The following NHLH2 variants were observed in gnomAD, a reference collection of about 807,000 sequenced individuals.
The protein encoded by NHLH2 is nescient helix-loop-helix 2.
NHLH2 carries 7 observed loss-of-function variants against 7.3 expected under a neutral mutation model. The observed-to-expected ratio is 0.96, with a 90% CI of 0.55 to 1.81. NHLH2 has a LOEUF of 1.81. NHLH2 is among the 40% of genes most tolerant of loss of function. The probability of loss-of-function intolerance (pLI) is 0.00; values close to 1 mark genes in which losing one functional copy is unlikely to be tolerated. For missense variants in NHLH2, 155 were observed against 194.0 expected, an observed-to-expected ratio of 0.80 and a Z score of 1.19; for synonymous variants, 93 against 91.6, an observed-to-expected ratio of 1.01 and a Z score of -0.09.
chr1:115,840,808 A>G (rs1473423628), intron 1 of NHLH2, 140 bp downstream of exon 1: 3 of 164,926 alleles, frequency 1.8e-5, no homozygotes, highest in African/African-American at 7.3e-5. Flanking sequence ...CAGGAACACA[A>G]TACTGTAACT....
Position 115,838,234 on chromosome 1 carries a change from C to T in NHLH2, c.139G>A (p.Asp47Asn). 6.4e-7 allele frequency: 1 copy of T among 1,560,830 alleles called. No individual in the cohort carries two copies. The highest frequency in any genetic ancestry group is 1.4e-5 in the African/African-American group (1 of 73,354). The change falls in exon 3 of 3, where the codon GAC becomes AAC. Residue 47 changes from aspartate to asparagine, a missense_variant. By Grantham distance (23) the Asp-to-Asn change is conservative (BLOSUM62 1). Around this residue, in one of 2 missense-constraint regions of NHLH2, gnomAD observed 91 missense variants for 86.6 expected, o/e 1.05. Coordinates refer to ENST00000320238, the MANE Select transcript of NHLH2 (RefSeq NM_005599.3). ...GCGGCTCGGCTGCCGCCCTTGCCGT[C>T]GCCCTCGGCCTCCTCCACCGGCTCC... ...DLEPVEEAEG[D>N]GKGGSRAALY... is the part of the protein sequence containing the mutation.
chr1:115,832,918 C>T (rs918863515), downstream of NHLH2, among the ~76,000 whole-genome samples: 2 of 151,914 alleles, frequency 1.3e-5, no homozygotes, highest in Non-Finnish European at 2.9e-5. Context: ...AGGCCCAGGT[C>T]GTAAAAGAAA....
Position 115,838,460 on chromosome 1 carries a change from C to T in NHLH2, c.-8-80G>A, listed in dbSNP as rs564376544. ...AGGATGGCTGCCGAGGCCTACCACGCCGGTCCTCCCAGCGGACGCGCGGCC... is the reference window on the plus strand; with the variant it reads ...AGGATGGCTGCCGAGGCCTACCACGTCGGTCCTCCCAGCGGACGCGCGGCC... On this transcript the variant is annotated intron_variant, in intron 2 of 2. Coordinates refer to ENST00000320238, the MANE Select transcript of NHLH2 (RefSeq NM_005599.3). 47 of 1,488,718 alleles carry T rather than the reference C, an allele frequency of 3.2e-5. No individual in the cohort carries two copies. The African/African-American group carries it at 6.0e-4, about 19-fold the overall frequency. 92.2% of individuals were successfully genotyped at this position (1,488,718 alleles called of 1,614,324 possible). A position where few individuals can be genotyped will look rare whatever the true frequency, so the allele number is the denominator to read the frequency against.
At chr1:115,831,859 T>C (rs1029015212), downstream of NHLH2, among the ~76,000 whole-genome samples, 2 of 151,238 alleles carry the variant, frequency 1.3e-5, no homozygotes, top group Non-Finnish European at 2.9e-5. Flanking sequence ...GAGGTGGAGG[T>C]TGCAGTGAGC....
Position 115,838,004 on chromosome 1 carries a change from G to A in NHLH2, c.369C>T (p.Ile123=), listed in dbSNP as rs772729296. Residue 123 remains isoleucine, a synonymous_variant, in exon 3 of 3, where the codon ATC becomes ATT. Transcript: ENST00000320238. ...CGTGGTTGAGATAGGAGATGTAGCA[G>A]ATGGCCAGGCGCAGGATCTCGATCT... ...LSKIEILRLA[I]CYISYLNHVL... is the part of the protein sequence containing the mutation. 12 of 1,610,412 alleles carry A rather than the reference G, an allele frequency of 7.5e-6. No homozygotes were observed. Among genetic ancestry groups the A allele is most frequent in the Middle Eastern group, 3.3e-4 (2 of 6,064 alleles).
At chr1:115,833,838 T>C (rs1650807154), downstream of NHLH2, among the ~76,000 whole-genome samples, 1 of 152,202 alleles carries the variant, frequency 6.6e-6, no homozygotes, top group African/African-American at 2.4e-5. Context: ...GTTGGCCCTC[T>C]TCTCCCCTTA....
At chr1:115,835,651 T>C (rs1305695245), downstream of NHLH2, among the ~76,000 whole-genome samples, 1 of 152,254 alleles carries the variant, frequency 6.6e-6, no homozygotes, top group African/African-American at 2.4e-5. Context: ...AGCATCCATC[T>C]AACTGCATTT....
At chr1:115,838,487 G>C (rs1458403639) in intron 2 of NHLH2, 107 bp from the exon 3 acceptor site, 4 of 1,323,630 alleles carry the variant, frequency 3.0e-6, no homozygotes, top group African/African-American at 1.5e-5. Context: ...CGCGCGGCCC[G>C]GGCCCCCTCC....
At position 115,837,872 on chromosome 1, in the gene NHLH2, C is replaced by G; in HGVS notation, c.*93G>C. The stretch of plus-strand genomic sequence containing the variant: ...TCGAGGCGGCCGTCTCGCTGGGCCA[C>G]CGCAGCCTCCGCCACCCGAGCGACG... On this transcript the variant is annotated 3_prime_UTR_variant, in exon 3 of 3. Transcript: ENST00000320238. The G allele has an allele frequency of 2.2e-6, 3 of 1,390,436 alleles. No individual in the cohort carries two copies. The highest frequency in any genetic ancestry group is 2.9e-6 in the Non-Finnish European group (3 of 1,042,376). 86.1% of individuals were successfully genotyped at this position (1,390,436 alleles called of 1,614,324 possible). A position where few individuals can be genotyped will look rare whatever the true frequency, so the allele number is the denominator to read the frequency against.
downstream of NHLH2, among the ~76,000 whole-genome samples, chr1:115,832,179 C>A (rs897961950): frequency 3.3e-5 from 5 of 152,174 alleles, no homozygotes; most frequent in South Asian, 1.0e-3. Context: ...AGAGAAAAGG[C>A]ATAGACTGGG....
rs755473205 is a variant in NHLH2, at chr1:115,837,926, G to A, written c.*39C>T. On this transcript the variant is annotated 3_prime_UTR_variant, in exon 3 of 3. Transcript: ENST00000320238. ...CCCGTCCGGATCCGTAGCGTTTCGC[G>A]GACGCCGGGACAGGCGGCCCCCCGC... is the stretch of plus-strand genomic sequence containing the variant. The A allele has an allele frequency of 2.5e-6, 4 of 1,573,340 alleles. No homozygotes were observed. Among genetic ancestry groups the A allele is most frequent in the Non-Finnish European group, 1.7e-6 (2 of 1,162,302 alleles).
In NHLH2 at chr1:115,837,584, G is replaced by C; in HGVS notation, c.*381C>G. 4.2e-6 allele frequency: 1 copy of C among 236,740 alleles called. No homozygotes were observed. The highest frequency in any genetic ancestry group is 8.2e-6 in the Non-Finnish European group (1 of 122,642). 14.7% of individuals were successfully genotyped at this position (236,740 alleles called of 1,614,324 possible). A position where few individuals can be genotyped will look rare whatever the true frequency, so the allele number is the denominator to read the frequency against. ...ATGAGCCTGCATACTCTGAACTTCT[G>C]CCCTCATTCTTTCAACACATTAAGA... On this transcript the variant is annotated 3_prime_UTR_variant, in exon 3 of 3. Coordinates refer to ENST00000320238, the MANE Select transcript of NHLH2 (RefSeq NM_005599.3).
At chr1:115,840,120 C>T (rs904669438) in intron 2 of NHLH2, 96 bp downstream of exon 2, 1 of 166,838 alleles carries the variant, frequency 6.0e-6, no homozygotes, top group African/African-American at 2.4e-5. Flanking sequence ...GCCGTGTATG[C>T]GTTTTATCTC....
rs981132093 is a variant in NHLH2, at chr1:115,840,362, C to A, written c.-155G>T. The A allele has an allele frequency of 1.8e-5, 3 of 167,004 alleles. No homozygotes were observed. The highest frequency in any genetic ancestry group is 4.4e-5 in the Non-Finnish European group (3 of 68,114). 10.3% of individuals were successfully genotyped at this position (167,004 alleles called of 1,614,324 possible). A position where few individuals can be genotyped will look rare whatever the true frequency, so the allele number is the denominator to read the frequency against. The stretch of plus-strand genomic sequence containing the variant: ...AAAGCAGCTGTCATCTCGCTGGTGT[C>A]CGCAGCGAGGGACAATAATATCTCA... On this transcript the variant is annotated 5_prime_UTR_variant, in exon 2 of 3. Coordinates refer to ENST00000320238, the MANE Select transcript of NHLH2 (RefSeq NM_005599.3).
At position 115,838,120 on chromosome 1, in the gene NHLH2, G is replaced by T; in HGVS notation, c.253C>A (p.Arg85Ser). The part of the protein sequence containing the change: ...TAKYRSAHAT[R>S]ERIRVEAFNL... ...AAGGCTTCCACGCGGATGCGCTCGC[G>T]GGTGGCGTGGGCCGAGCGGTACTTG... Residue 85 changes from arginine (R) to serine (S), a missense_variant, in exon 3 of 3, where the codon CGC becomes AGC. Arg to Ser is a moderately radical substitution (Grantham distance 110). Transcript: ENST00000320238. 1.2e-6 allele frequency: 2 copies of T among 1,603,966 alleles called. No homozygotes were observed. Among genetic ancestry groups the T allele is most frequent in the Non-Finnish European group, 8.5e-7 (1 of 1,176,238 alleles).
At chr1:115,838,433 G>C (rs944886191) in intron 2 of NHLH2, 53 bp from the exon 3 acceptor site, 3 of 1,568,684 alleles carry the variant, frequency 1.9e-6, no homozygotes, top group Non-Finnish European at 2.6e-6. Flanking sequence ...TATTTTGCTG[G>C]AAGGATGGCT....
At chr1:115,834,969 C>T (rs1325442083), downstream of NHLH2, among the ~76,000 whole-genome samples, 3 of 152,254 alleles carry the variant, frequency 2.0e-5, no homozygotes, top group East Asian at 5.8e-4. Flanking sequence ...AGCCAGTCAC[C>T]CTCTGGTCTA....
At position 115,836,639 on chromosome 1, in the gene NHLH2, T is replaced by C. The variant is rs1650878390; in HGVS notation, c.*1326A>G. 6.6e-6 allele frequency: 1 copy of C among 152,582 alleles called. No homozygotes were observed. The highest frequency in any genetic ancestry group is 1.5e-5 in the Non-Finnish European group (1 of 68,016). 9.5% of individuals were successfully genotyped at this position (152,582 alleles called of 1,614,324 possible). On this transcript the variant is annotated 3_prime_UTR_variant, in exon 3 of 3. Coordinates refer to ENST00000320238, the MANE Select transcript of NHLH2 (RefSeq NM_005599.3). Reference sequence around the variant, plus strand: ...AACATTTTCAGGTTATAGACTTTTCTTTTTGGTGTCACAGAGGAAAGTAGT... The same window carrying C: ...AACATTTTCAGGTTATAGACTTTTCCTTTTGGTGTCACAGAGGAAAGTAGT...
chr1:115,832,980 A>C (rs966106803), downstream of NHLH2, among the ~76,000 whole-genome samples: 1 of 152,200 alleles, frequency 6.6e-6, no homozygotes, highest in African/African-American at 2.4e-5. Flanking sequence ...AGGAATATTT[A>C]ATCTCTGGAG....
Sources: gnomAD v4.1 joint callset for allele counts (sites outside exome capture counted in the v4.1 genomes callset) on GRCh38, gnomAD v4.1.1 for gene constraint, gnomAD v4.1.1 regional missense constraint, MANE v1.5 for transcripts, NCBI Gene and HGNC (gene_info 2026-07-23, HGNC 2026-07-21) for gene names.